The following FBXO34 variants were observed in gnomAD, a reference collection of about 807,000 sequenced individuals.
The protein encoded by FBXO34 is F-box protein 34, also known as F-box only protein 34.
In FBXO34, 12 loss-of-function variants were observed where a neutral mutation model predicts 24.5. That is an observed-to-expected ratio of 0.49 (90% confidence interval 0.31 to 0.79). The LOEUF (loss-of-function observed/expected upper bound fraction) is 0.79. Ranked by LOEUF, FBXO34 falls within the 30% of genes least tolerant of loss-of-function variation. The pLI is 0.04. For missense variants in FBXO34, 823 were observed against 857.7 expected (o/e 0.96, Z 0.51); for synonymous variants, 320 against 311.9 (o/e 1.03, Z -0.27).
chr14:55,278,006 T>C (rs747424000), intron 1 of FBXO34, among the ~76,000 whole-genome samples: 11 of 152,148 alleles, frequency 7.2e-5, no homozygotes, highest in Non-Finnish European at 1.2e-4. Flanking sequence ...ACTGCAGAGC[T>C]TGCCTGCCAA....
rs141543965 is a variant in FBXO34, at chr14:55,279,078, C to T, written c.-11+7541C>T. On this transcript the variant is annotated intron_variant, in intron 1 of 1. Transcript: ENST00000313833. Reference sequence around the variant, plus strand: ...TTAGGAGGCCGAGGTGGGTGGATCACGAGGTCAGGAGACCAGCCTGGTCAA... The same window carrying T: ...TTAGGAGGCCGAGGTGGGTGGATCATGAGGTCAGGAGACCAGCCTGGTCAA... Among the ~76,000 whole-genome samples, 404 of 152,192 alleles carry T rather than the reference C, an allele frequency of 2.7e-3. 1 individual carries two copies. The highest frequency in any genetic ancestry group is 4.6e-3 in the Non-Finnish European group (311 of 67,988).
At chr14:55,427,572 T>C in the FBXO34 span, among the ~76,000 whole-genome samples, 3 of 152,088 alleles carry the variant, frequency 2.0e-5, no homozygotes, top group Non-Finnish European at 4.4e-5. Context: ...GCCAAGAGAA[T>C]TTAAGAGCAT....
chr14:55,333,301 T>G (rs989679549), intron 1 of FBXO34, among the ~76,000 whole-genome samples: 6 of 152,236 alleles, frequency 3.9e-5, no homozygotes, highest in African/African-American at 1.4e-4. Context: ...ATTACCACAT[T>G]CCCCTTTACT....
intron 1 of FBXO34, among the ~76,000 whole-genome samples, chr14:55,336,648 A>ATCATC (rs371185952): frequency 1.5e-4 from 23 of 152,198 alleles, no homozygotes; most frequent in African/African-American, 5.3e-4. Flanking sequence ...TCAGCAGTTG[A>ATCATC]TCATCTCATA....
intron 1 of FBXO34, among the ~76,000 whole-genome samples, chr14:55,311,156 A>G (rs151032024): frequency 1.7e-3 from 259 of 152,340 alleles, no homozygotes; most frequent in African/African-American, 5.7e-3. Flanking sequence ...AGGAAACTCA[A>G]TGGTGGAAGG....
intron 1 of FBXO34, among the ~76,000 whole-genome samples, chr14:55,297,215 G>A (rs1467369898): frequency 6.6e-6 from 1 of 152,116 alleles, no homozygotes; most frequent in African/African-American, 2.4e-5. Flanking sequence ...AGTGATTTGG[G>A]GCTGCTTTTC....
At chr14:55,430,108 G>GT in the FBXO34 span, among the ~76,000 whole-genome samples, 12 of 152,094 alleles carry the variant, frequency 7.9e-5, no homozygotes, top group East Asian at 1.5e-3. Flanking sequence ...GAGAGGTGAG[G>GT]CTTCATTTCT....
intron 1 of FBXO34, among the ~76,000 whole-genome samples, chr14:55,280,747 C>G (rs992335754): frequency 2.6e-5 from 4 of 151,882 alleles, no homozygotes; most frequent in Non-Finnish European, 4.4e-5. Context: ...AGGATGGTCT[C>G]GATCTCCTGA....
At chr14:55,358,810 C>A (rs900692445) in intron 3 of FBXO34, among the ~76,000 whole-genome samples, 1 of 152,064 alleles carries the variant, frequency 6.6e-6, no homozygotes, top group African/African-American at 2.4e-5. Flanking sequence ...CAGGGCACAC[C>A]CTAGACCTAT....
the FBXO34 span, among the ~76,000 whole-genome samples, chr14:55,405,811 T>C: frequency 6.7e-6 from 1 of 149,740 alleles, no homozygotes; most frequent in African/African-American, 2.4e-5. Context: ...TAAGGAAGCA[T>C]ACAGTTTAAA....
intron 1 of FBXO34, among the ~76,000 whole-genome samples, chr14:55,290,647 C>A (rs936324762): frequency 6.6e-6 from 1 of 152,102 alleles, no homozygotes. Context: ...CTATGTTACC[C>A]TTTTAAAGGA....
downstream of FBXO34, among the ~76,000 whole-genome samples, chr14:55,363,135 G>A (rs778658572): frequency 3.4e-5 from 5 of 148,348 alleles, no homozygotes; most frequent in East Asian, 2.0e-4. Flanking sequence ...CGATTCTCCC[G>A]CGTCAGACTC....
At chr14:55,340,731 G>T (rs1231789698) in intron 1 of FBXO34, among the ~76,000 whole-genome samples, 1 of 152,054 alleles carries the variant, frequency 6.6e-6, no homozygotes, top group Non-Finnish European at 1.5e-5. Context: ...TGCGGTGTCA[G>T]GTTGCATTTA....
chr14:55,331,115 G>A (rs67795323), intron 1 of FBXO34, among the ~76,000 whole-genome samples: 46,009 of 152,062 alleles, frequency 0.3, 7,263 homozygotes, highest in Non-Finnish European at 0.34. Context: ...TTGTGAAACA[G>A]AAGAAAATTC....
In FBXO34 at chr14:55,314,379, A is replaced by C. The variant is rs1594746024; in HGVS notation, c.-10-36002A>C. Among the ~76,000 whole-genome samples the C allele has an allele frequency of 3.3e-5, 5 of 152,352 alleles. No homozygotes were observed. The South Asian group carries it at 1.0e-3, about 32-fold the overall frequency. On this transcript the variant is annotated intron_variant, in intron 1 of 1. Transcript: ENST00000313833. The stretch of plus-strand genomic sequence containing the variant: ...ACAGACTGTAGCCTTGCAGGGGGAA[A>C]CCTAATGTGAGATAGTTAACCAAAT...
At chr14:55,349,625 T>TTTTTTTTTTTA (rs1884275400) in intron 1 of FBXO34, among the ~76,000 whole-genome samples, 1 of 150,120 alleles carries the variant, frequency 6.7e-6, no homozygotes. Context: ...TTTTTTTTTT[T>TTTTTTTTTTTA]GAGACAAAGT....
intron 1 of FBXO34, among the ~76,000 whole-genome samples, chr14:55,278,308 A>G (rs1398060491): frequency 6.6e-6 from 1 of 152,104 alleles, no homozygotes; most frequent in Non-Finnish European, 1.5e-5. Context: ...AGCTTTTTCT[A>G]AGTTTCCTTT....
chr14:55,282,261 G>A, intron 1 of FBXO34: 5 of 355,350 alleles, frequency 1.4e-5, no homozygotes, highest in South Asian at 9.0e-5. Context: ...CCAAAGTGCT[G>A]GGATTACAGG....
chr14:55,291,332 A>G (rs1461333503), intron 1 of FBXO34, among the ~76,000 whole-genome samples: 12 of 152,204 alleles, frequency 7.9e-5, no homozygotes, highest in Admixed American at 6.5e-5. Context: ...ATGCTTACAT[A>G]CTGATGATAC....
Sources: gnomAD v4.1 joint callset for allele counts (sites outside exome capture counted in the v4.1 genomes callset) on GRCh38, gnomAD v4.1.1 for gene constraint, MANE v1.5 for transcripts, NCBI Gene and HGNC (gene_info 2026-07-23, HGNC 2026-07-21) for gene names.